The following RBFOX1 variants were observed in gnomAD, a reference collection of about 807,000 sequenced individuals.
RBFOX1 encodes the protein RNA binding protein fox-1 homolog 1.
In RBFOX1, 8 loss-of-function variants were observed where a neutral mutation model predicts 57.7. That is an observed-to-expected ratio of 0.14 (90% CI 0.08 to 0.25). The LOEUF (loss-of-function observed/expected upper bound fraction) is 0.25. RBFOX1 is among the 10% of genes least tolerant of loss of function. The pLI, the probability that RBFOX1 is intolerant of heterozygous loss-of-function variation, is 1.00. For missense variants in RBFOX1, 611 were observed against 548.5 expected, an observed-to-expected ratio of 1.11 and a Z score of -1.14; for synonymous variants, 326 against 222.4, an observed-to-expected ratio of 1.47 and a Z score of -4.15.
Position 6,054,973 on chromosome 16 carries a change from G to A in RBFOX1, c.-127+34981G>A, listed in dbSNP as rs183397413. ...AATTTTTTGTATTTTTAGTAGAGAC[G>A]GGGTTTCACCATGTTGGCCAGGATT... On this transcript the variant is annotated intron_variant, in intron 1 of 15. Transcript: ENST00000550418. 9.9e-5 allele frequency among the ~76,000 whole-genome samples: 15 copies of A among 151,852 alleles called. 1 individual carries two copies. The highest frequency in any genetic ancestry group is 3.4e-3 in the Middle Eastern group (1 of 294).
At chr16:6,193,052 A>G (rs1377028787) in intron 1 of RBFOX1, among the ~76,000 whole-genome samples, 1 of 152,082 alleles carries the variant, frequency 6.6e-6, no homozygotes, top group African/African-American at 2.4e-5. Context: ...AGAAATGTAT[A>G]ATTAAAGCAG....
chr16:7,509,390 CTGTGTGTGTGTGTGTGTGTGTG>C (rs34760329), intron 4 of RBFOX1, among the ~76,000 whole-genome samples: 1 of 145,056 alleles, frequency 6.9e-6, no homozygotes, highest in East Asian at 2.1e-4. Flanking sequence ...GAGCCAAGCC[CTGTGTGTGTGTGTGTGTGTGTG>C]TGTGTGTGTG....
intron 2 of RBFOX1, among the ~76,000 whole-genome samples, chr16:6,653,067 A>G (rs549643397): frequency 4.6e-5 from 7 of 152,100 alleles, no homozygotes; most frequent in African/African-American, 1.2e-4. Flanking sequence ...TTTCCAGTGC[A>G]TTTCCCCCTT....
intron 4 of RBFOX1, among the ~76,000 whole-genome samples, chr16:7,349,578 G>T (rs75814446): frequency 6.6e-6 from 1 of 151,442 alleles, no homozygotes; most frequent in Non-Finnish European, 1.5e-5. Flanking sequence ...CTCCCTTTCC[G>T]TTTTGATAGC....
chr16:7,269,051 A>T (rs2095251901), intron 4 of RBFOX1, among the ~76,000 whole-genome samples: 1 of 146,696 alleles, frequency 6.8e-6, no homozygotes. Flanking sequence ...CTCAAAAAAA[A>T]AAAAAAAAAA....
chr16:6,918,792 A>G (rs1479497927), intron 3 of RBFOX1, among the ~76,000 whole-genome samples: 1 of 152,150 alleles, frequency 6.6e-6, no homozygotes. Context: ...AGGAGTATGC[A>G]GGAGCATTGA....
chr16:6,068,673 GA>G (rs1304752689), intron 1 of RBFOX1, among the ~76,000 whole-genome samples: 1 of 152,164 alleles, frequency 6.6e-6, no homozygotes, highest in Non-Finnish European at 1.5e-5. Flanking sequence ...GGCTGCAGAG[GA>G]AGGTCTTCAG....
At chr16:6,313,902 T>C (rs2080725813) in intron 1 of RBFOX1, among the ~76,000 whole-genome samples, 1 of 152,180 alleles carries the variant, frequency 6.6e-6, no homozygotes, top group Non-Finnish European at 1.5e-5. Context: ...CTGGTACCAT[T>C]GTTAATGATC....
At position 6,880,765 on chromosome 16, in the gene RBFOX1, A is replaced by G. The variant is rs539305534; in HGVS notation, c.-15-171292A>G. On this transcript the variant is annotated intron_variant, in intron 3 of 15. Transcript: ENST00000550418. ...ATTGTATTTGATTGCGTTGTATTAA[A>G]ATTATTGTTATATTTTTATTACAGT... Among the ~76,000 whole-genome samples, 6 of 152,062 alleles carry G rather than the reference A, an allele frequency of 3.9e-5. No homozygotes were observed. In the South Asian group the frequency reaches 8.3e-4, roughly 21 times the overall value.
chr16:5,961,694 T>C (rs2059753075), intron 4 of RBFOX1, among the ~76,000 whole-genome samples: 1 of 152,026 alleles, frequency 6.6e-6, no homozygotes, highest in East Asian at 1.9e-4. Flanking sequence ...TGATGTTTCT[T>C]TTTTGTAAAT....
intron 11 of RBFOX1, among the ~76,000 whole-genome samples, chr16:7,643,749 C>G (rs2063243369): frequency 6.6e-6 from 1 of 152,176 alleles, no homozygotes; most frequent in Admixed American, 6.5e-5. Flanking sequence ...TTACCAGGAA[C>G]ATAAATCAGT....
At position 7,052,136 on chromosome 16, in the gene RBFOX1, A is replaced by C. The variant is rs138996110; in HGVS notation, c.27+38A>C. ...GCTTGTAAAATGCTTCCTGATTCTCATTTTTGTGTGATAAGCAAAAATTTC... is the reference window on the plus strand; with the variant it reads ...GCTTGTAAAATGCTTCCTGATTCTCCTTTTTGTGTGATAAGCAAAAATTTC... On this transcript the variant is annotated intron_variant, in intron 4 of 15. Transcript: ENST00000550418. 1.7e-5 allele frequency: 27 copies of C among 1,581,996 alleles called. No individual in the cohort carries two copies. The African/African-American group carries it at 3.0e-4, about 18-fold the overall frequency.
chr16:6,515,941 T>A lies in RBFOX1; in HGVS notation c.-63-138662T>A, dbSNP rs76669918. ...ATGGAATGAGTCTGTGAAACCTGTA[T>A]TTTTTTAGGTACTGGTACTGAAATA... On this transcript the variant is annotated intron_variant, in intron 2 of 15. Coordinates refer to ENST00000550418, the MANE Select transcript of RBFOX1 (RefSeq NM_018723.4). 6.3e-3 allele frequency among the ~76,000 whole-genome samples: 958 copies of A among 152,282 alleles called. 5 individuals are homozygous for A. Among genetic ancestry groups the A allele is most frequent in the Admixed American group, 0.014 (214 of 15,294 alleles).
At chr16:7,668,943 G>T (rs1339528229) in intron 13 of RBFOX1, among the ~76,000 whole-genome samples, 2 of 152,220 alleles carry the variant, frequency 1.3e-5, no homozygotes, top group South Asian at 2.1e-4. Context: ...TCGCTCTGTC[G>T]CCCAGGCTGG....
intron 14 of RBFOX1, among the ~76,000 whole-genome samples, chr16:7,704,625 G>T (rs551661930): frequency 2.0e-5 from 3 of 152,274 alleles, no homozygotes; most frequent in Admixed American, 2.0e-4. Flanking sequence ...AATAGACACT[G>T]CCCCAGCCTC....
At chr16:7,260,595 G>A (rs1174065527) in intron 4 of RBFOX1, among the ~76,000 whole-genome samples, 1 of 152,122 alleles carries the variant, frequency 6.6e-6, no homozygotes, top group African/African-American at 2.4e-5. Context: ...ATGTAGAGAC[G>A]CTATGTAGGT....
chr16:7,335,880 C>G (rs1473805390), intron 4 of RBFOX1, among the ~76,000 whole-genome samples: 2 of 152,120 alleles, frequency 1.3e-5, no homozygotes, highest in African/African-American at 4.8e-5. Flanking sequence ...TCCCTCCAGC[C>G]AGGTAGAGAA....
At chr16:6,855,510 G>A (rs2057682030) in intron 3 of RBFOX1, among the ~76,000 whole-genome samples, 2 of 152,028 alleles carry the variant, frequency 1.3e-5, no homozygotes, top group East Asian at 2.0e-4. Flanking sequence ...AAAATTAGCT[G>A]GGGGCGATGG....
intron 2 of RBFOX1, among the ~76,000 whole-genome samples, chr16:6,427,840 G>T (rs1481243383): frequency 6.6e-6 from 1 of 152,168 alleles, no homozygotes; most frequent in Non-Finnish European, 1.5e-5. Flanking sequence ...CTGAGTTCAT[G>T]CTCTTGGTTC....
Sources: allele counts gnomAD v4.1 joint callset (sites outside exome capture counted in the v4.1 genomes callset), GRCh38; gene constraint gnomAD v4.1.1; transcripts MANE v1.5; gene names NCBI Gene and HGNC (gene_info 2026-07-23, HGNC 2026-07-21).